BCAS3: variants seen among roughly 807,000 people sequenced by gnomAD.
The protein encoded by BCAS3 is BCAS3 microtubule associated cell migration factor.
BCAS3 carries 53 observed loss-of-function variants against 116.1 expected under a neutral mutation model. That is an observed-to-expected ratio of 0.46 (90% confidence interval 0.37 to 0.57). The LOEUF (loss-of-function observed/expected upper bound fraction) is 0.57. BCAS3 is among the 20% of genes least tolerant of loss of function. BCAS3 has a pLI of 0.00. For synonymous variants in BCAS3, 391 were observed against 408.2 expected (o/e 0.96, Z 0.51); for missense variants, 917 against 1,165.4 (o/e 0.79, Z 3.10).
intron 22 of BCAS3, among the ~76,000 whole-genome samples, chr17:61,303,843 C>G (rs1490544328): frequency 6.6e-6 from 1 of 152,198 alleles, no homozygotes; most frequent in Non-Finnish European, 1.5e-5. Context: ...ATCTCTGTGA[C>G]CCCAGCACCA....
chr17:61,304,799 G>A (rs1217829302), intron 22 of BCAS3, among the ~76,000 whole-genome samples: 1 of 151,160 alleles, frequency 6.6e-6, no homozygotes, highest in Admixed American at 6.6e-5. Context: ...TGTCGCCCAG[G>A]TTGGAGTGCA....
intron 3 of BCAS3, among the ~76,000 whole-genome samples, chr17:60,686,844 A>C (rs1336583610): frequency 1.3e-5 from 2 of 152,212 alleles, no homozygotes; most frequent in Non-Finnish European, 2.9e-5. Flanking sequence ...ATTTTAAAAA[A>C]TAATTCAACA....
At chr17:61,166,387 C>CTTTTTTTTTTTTTTTTTTTTTTTT (rs2078496359) in intron 22 of BCAS3, among the ~76,000 whole-genome samples, 1 of 77,072 alleles carries the variant, frequency 1.3e-5, no homozygotes. Flanking sequence ...CTCTCTCTCT[C>CTTTTTTTTTTTTTTTTTTTTTTTT]TCTCTTTTTT....
rs2056428154 is a variant in BCAS3 at position 61,333,197 on chromosome 17, C to G, written c.2426-35130C>G. 6.6e-6 allele frequency among the ~76,000 whole-genome samples: 1 copy of G among 152,156 alleles called. No homozygotes were observed. The highest frequency in any genetic ancestry group is 2.4e-5 in the African/African-American group (1 of 41,432). On this transcript the variant is annotated intron_variant, in intron 22 of 23. Coordinates refer to ENST00000407086, the MANE Select transcript of BCAS3 (RefSeq NM_017679.5). This position sits in a 1 kb window ranked among gnomAD's most constrained non-coding sequence, Gnocchi z 4.8. ...ACCTGTGTGATCAGAGAAACAAAGT[C>G]TGGTGAGAGGAGCAAGTGCAGTTAT...
chr17:60,894,527 A>G (rs1333965973), intron 10 of BCAS3, among the ~76,000 whole-genome samples: 1 of 152,182 alleles, frequency 6.6e-6, no homozygotes, highest in African/African-American at 2.4e-5. Flanking sequence ...GGGCAATGTG[A>G]CTTCTACTTT....
At chr17:61,078,128 T>C (rs1182204134) in intron 20 of BCAS3, among the ~76,000 whole-genome samples, 2 of 152,166 alleles carry the variant, frequency 1.3e-5, no homozygotes, top group Admixed American at 6.5e-5. Context: ...TTGGCTTATG[T>C]TGATGAAAAG....
chr17:60,844,063 G>A (rs1285214483), intron 7 of BCAS3, among the ~76,000 whole-genome samples: 2 of 152,118 alleles, frequency 1.3e-5, no homozygotes, highest in East Asian at 3.9e-4. Flanking sequence ...TCTGCCTCCT[G>A]GGTTCAAGGG....
Position 61,265,205 on chromosome 17 carries a change from C to A in BCAS3, c.2426-103122C>A, listed in dbSNP as rs1602279241. Among the ~76,000 whole-genome samples the A allele has an allele frequency of 6.6e-6, 1 of 152,064 alleles. No individual in the cohort carries two copies. The highest frequency in any genetic ancestry group is 2.4e-5 in the African/African-American group (1 of 41,418). On this transcript the variant is annotated intron_variant, in intron 22 of 23. Coordinates refer to ENST00000407086, the MANE Select transcript of BCAS3 (RefSeq NM_017679.5). This position sits in a 1 kb window ranked among gnomAD's most constrained non-coding sequence, Gnocchi z 4.3. ...GAGGCAGGCAGATCACCTGAGGTTG[C>A]GAGTTCAAGACCAGCCTGACCAACA...
At chr17:60,887,567 A>T (rs548707386) in intron 9 of BCAS3, 3 of 152,312 alleles carry the variant, frequency 2.0e-5, no homozygotes, top group East Asian at 1.9e-4. Flanking sequence ...ATGCTTTTGC[A>T]TTTGGATATC....
At position 61,265,722 on chromosome 17, in the gene BCAS3, G is replaced by T. The variant is rs1016432218; in HGVS notation, c.2426-102605G>T. On this transcript the variant is annotated intron_variant, in intron 22 of 23. Transcript: ENST00000407086. This position sits in a 1 kb window ranked among gnomAD's most constrained non-coding sequence, Gnocchi z 4.3. ...TTCCCCCCCATCAAGTAGTATATCT[G>T]CCAGGGTTTGTGTGTGTCATACTGT... Among the ~76,000 whole-genome samples the T allele has an allele frequency of 1.3e-5, 2 of 151,812 alleles. No homozygotes were observed. The highest frequency in any genetic ancestry group is 2.9e-5 in the Non-Finnish European group (2 of 67,980).
intron 19 of BCAS3, among the ~76,000 whole-genome samples, chr17:61,062,306 ATGTAT>A (rs953688070): frequency 6.6e-6 from 1 of 152,170 alleles, no homozygotes; most frequent in Non-Finnish European, 1.5e-5. Flanking sequence ...ACTATTAGTA[ATGTAT>A]TGTATTCTAT....
chr17:60,903,872 C>A (rs187047775), intron 11 of BCAS3, among the ~76,000 whole-genome samples: 1 of 152,184 alleles, frequency 6.6e-6, no homozygotes, highest in East Asian at 1.9e-4. Flanking sequence ...CCACAAAATA[C>A]AACGAGATCT....
intron 14 of BCAS3, among the ~76,000 whole-genome samples, chr17:60,981,553 G>T (rs530845967): frequency 6.6e-6 from 1 of 152,272 alleles, no homozygotes; most frequent in South Asian, 2.1e-4. Context: ...AAAGTGCTAG[G>T]ATTACCTACG....
intron 5 of BCAS3, among the ~76,000 whole-genome samples, chr17:60,729,318 T>C (rs1003952941): frequency 6.6e-6 from 1 of 150,870 alleles, no homozygotes; most frequent in East Asian, 1.9e-4. Context: ...GTGGACTCTT[T>C]TTTTTTTTTT....
chr17:61,196,350 G>A lies in BCAS3; in HGVS notation c.2425+111786G>A, dbSNP rs1312641431. On this transcript the variant is annotated intron_variant, in intron 22 of 23. Coordinates refer to ENST00000407086, the MANE Select transcript of BCAS3 (RefSeq NM_017679.5). The surrounding 1 kb of genome is among the most constrained non-coding windows in gnomAD (Gnocchi z 4.7). ...TGTCACAGCAATAGCGCGTAAAGCT[G>A]TTTGCATAGCGTGCTAACTCTATCA... Among the ~76,000 whole-genome samples the A allele has an allele frequency of 6.6e-6, 1 of 152,248 alleles. No homozygotes were observed. Among genetic ancestry groups the A allele is most frequent in the Non-Finnish European group, 1.5e-5 (1 of 68,050 alleles).
At chr17:61,252,644 TC>T (rs2048455704) in intron 22 of BCAS3, among the ~76,000 whole-genome samples, 1 of 151,926 alleles carries the variant, frequency 6.6e-6, no homozygotes, top group Non-Finnish European at 1.5e-5. Flanking sequence ...GGAACATGGT[TC>T]CTCATGTAGA....
rs1305138394 is a variant in BCAS3, at chr17:61,387,216, A to G, written c.2594-4761A>G. On this transcript the variant is annotated intron_variant, in intron 23 of 23. Coordinates refer to ENST00000407086, the MANE Select transcript of BCAS3 (RefSeq NM_017679.5). This position sits in a 1 kb window ranked among gnomAD's most constrained non-coding sequence, Gnocchi z 6.2. ...CAACTCACAGCCTGGCAAAGGGGCC[A>G]CAACACTGCACTGTGGGTGGAGGTG... 1.3e-5 allele frequency among the ~76,000 whole-genome samples: 2 copies of G among 152,182 alleles called. No individual in the cohort carries two copies. The highest frequency in any genetic ancestry group is 2.9e-5 in the Non-Finnish European group (2 of 68,036).
intron 2 of BCAS3, among the ~76,000 whole-genome samples, chr17:60,683,505 CTTTTTTTTTTTTTTTTTTTTTTTT>C (rs138663451): frequency 2.0e-4 from 9 of 44,490 alleles, no homozygotes; most frequent in South Asian, 1.5e-3. Flanking sequence ...AAGAGTTAGC[CTTTTTTTTTTTTTTTTTTTTTTTT>C]TTTTTTTTTT....
chr17:61,167,311 C>T (rs2078566982), intron 22 of BCAS3, among the ~76,000 whole-genome samples: 1 of 152,150 alleles, frequency 6.6e-6, no homozygotes, highest in Non-Finnish European at 1.5e-5. Context: ...CTGATAAAGT[C>T]CTTATCTAGT....
Sources: gnomAD v4.1 joint callset for allele counts (sites outside exome capture counted in the v4.1 genomes callset) on GRCh38, gnomAD v4.1.1 for gene constraint, Gnocchi (gnomAD v3.1) non-coding constraint, MANE v1.5 for transcripts, NCBI Gene and HGNC (gene_info 2026-07-23, HGNC 2026-07-21) for gene names.